Variants in P2RY8 observed in about 807,000 individuals in gnomAD.
P2RY8 encodes the protein P2Y receptor family member 8, also known as S-geranylgeranyl-glutathione receptor P2RY8.
A neutral mutation model predicts 10.0 loss-of-function variants in P2RY8; 6 were observed. That is an observed-to-expected ratio of 0.60 (90% CI 0.33 to 1.19). The LOEUF is 1.19. Ranked by LOEUF, P2RY8 falls within the 50% of genes most tolerant of loss-of-function variation. The pLI, the probability that P2RY8 is intolerant of heterozygous loss-of-function variation, is 0.04. For missense variants in P2RY8, 456 were observed against 542.0 expected (o/e 0.84, Z 1.58); for synonymous variants, 276 against 252.5 (o/e 1.09, Z -0.88).
Position 1,466,373 on chromosome X carries a change from C to G in P2RY8, c.186G>C (p.Met62Ile). 1.9e-6 allele frequency: 3 copies of G among 1,613,800 alleles called. No homozygotes were observed. The highest frequency in any genetic ancestry group is 2.5e-6 in the Non-Finnish European group (3 of 1,179,860). Residue 62 changes from methionine to isoleucine, a missense_variant, in exon 2 of 2, where the codon ATG (methionine) becomes ATC (isoleucine). Transcript: ENST00000381297. ...TCAGGTCCGTGACGCTCAGGTTGAT[C>G]ATGAAGATGACCGACGGGGATCTGG... ...MGPRSPSVIFMINLSVTDLML... is the reference protein window; with the variant it reads ...MGPRSPSVIFIINLSVTDLML...
intron 1 of P2RY8, among the ~76,000 whole-genome samples, chrX:1,478,485 A>AT (rs1180812685): frequency 2.7e-4 from 41 of 151,310 alleles, no homozygotes; most frequent in African/African-American, 8.3e-4. Flanking sequence ...TTATTTATTT[A>AT]TTTATTTTTT....
At chrX:1,525,331 C>T (rs1269705554) in intron 1 of P2RY8, among the ~76,000 whole-genome samples, 1 of 152,124 alleles carries the variant, frequency 6.6e-6, no homozygotes, top group Non-Finnish European at 1.5e-5. Flanking sequence ...TGACATCATA[C>T]TGCATTTGGG....
intron 1 of P2RY8, among the ~76,000 whole-genome samples, chrX:1,478,273 G>GTGTGTGTGTGTGCA (rs539376483): frequency 0.018 from 2,437 of 133,550 alleles, 40 homozygotes; most frequent in South Asian, 0.028. Flanking sequence ...GTGTGTGTGT[G>GTGTGTGTGTGTGCA]CCCAGCAGGG....
intron 1 of P2RY8, among the ~76,000 whole-genome samples, chrX:1,499,658 A>G (rs1233607245): frequency 6.6e-6 from 1 of 152,130 alleles, no homozygotes; most frequent in African/African-American, 2.4e-5. Flanking sequence ...AAGGAAAAAA[A>G]AGAAATAAAA....
chrX:1,524,510 C>T, intron 1 of P2RY8, among the ~76,000 whole-genome samples: 2 of 146,144 alleles, frequency 1.4e-5, no homozygotes, highest in Non-Finnish European at 1.5e-5. Flanking sequence ...CGCATCCATC[C>T]ATCCATCCAT....
chrX:1,533,556 TTATATATTTATTATTTAAATATATTATA>T (rs2092497222), intron 1 of P2RY8, among the ~76,000 whole-genome samples: 1 of 8,940 alleles, frequency 1.1e-4, no homozygotes, highest in Non-Finnish European at 4.7e-4. Context: ...TATTATATAC[TTATATATTTATTATTTAAATATATTATA>T]TACTTATATA....
rs1413191910 is a variant in P2RY8 at position 1,463,097 on chromosome X, C to G, written c.*2382G>C. 4.3e-6 allele frequency: 1 copy of G among 233,038 alleles called. No homozygotes were observed. Among genetic ancestry groups the G allele is most frequent in the Non-Finnish European group, 8.5e-6 (1 of 118,028 alleles). 14.4% of individuals were successfully genotyped at this position (233,038 alleles called of 1,614,324 possible). On this transcript the variant is annotated 3_prime_UTR_variant, in exon 2 of 2. Coordinates refer to ENST00000381297, the MANE Select transcript of P2RY8 (RefSeq NM_178129.5). The stretch of plus-strand genomic sequence containing the variant: ...CTCGGCTTCCTCTGACTCAAGCTCT[C>G]ATTTTTGTTTACAAGGCAGTTTAGG...
chrX:1,530,153 G>C (rs868450229), intron 1 of P2RY8, among the ~76,000 whole-genome samples: 443 of 39,534 alleles, frequency 0.011, 5 homozygotes, highest in African/African-American at 0.044. Flanking sequence ...ATGTATGTAT[G>C]TATGATCTAT....
chrX:1,487,983 G>A (rs756111553), intron 1 of P2RY8, among the ~76,000 whole-genome samples: 10 of 152,204 alleles, frequency 6.6e-5, no homozygotes, highest in East Asian at 5.8e-4. Flanking sequence ...GGTGGTGGGC[G>A]TCTGTAATCC....
At chrX:1,501,307 C>T (rs1357396025) in intron 1 of P2RY8, among the ~76,000 whole-genome samples, 1 of 152,182 alleles carries the variant, frequency 6.6e-6, no homozygotes, top group Non-Finnish European at 1.5e-5. Flanking sequence ...GCTTTGCAGA[C>T]TTTTGGCCTG....
intron 1 of P2RY8, among the ~76,000 whole-genome samples, chrX:1,487,445 A>G (rs749983556): frequency 2.0e-4 from 30 of 152,234 alleles, no homozygotes; most frequent in Non-Finnish European, 1.5e-4. Context: ...TGAGGGGCAG[A>G]GGGCATAAGG....
At chrX:1,536,419 G>A (rs1374352226) in intron 1 of P2RY8, among the ~76,000 whole-genome samples, 1 of 152,032 alleles carries the variant, frequency 6.6e-6, no homozygotes, top group Non-Finnish European at 1.5e-5. Flanking sequence ...CCACCACCAA[G>A]CCCAGCTAAT....
intron 1 of P2RY8, among the ~76,000 whole-genome samples, chrX:1,486,575 G>C (rs4630058): frequency 0.31 from 47,351 of 152,000 alleles, 7,450 homozygotes; most frequent in Middle Eastern, 0.46. Context: ...GGGAAACGGG[G>C]AGTGACTTTC....
intron 1 of P2RY8, among the ~76,000 whole-genome samples, chrX:1,505,987 CTT>C (rs542485545): frequency 0.21 from 22,637 of 107,208 alleles, 1,553 homozygotes; most frequent in East Asian, 0.52. Context: ...TTTCTTTCTT[CTT>C]TTTTTTTTTT....
chrX:1,519,102 TTC>T (rs1222546523), intron 1 of P2RY8, among the ~76,000 whole-genome samples: 113 of 151,108 alleles, frequency 7.5e-4, no homozygotes, highest in African/African-American at 2.7e-3. Context: ...CTCCCCAATA[TTC>T]TCTCTGATCC....
chrX:1,526,636 A>G (rs757759708), intron 1 of P2RY8, among the ~76,000 whole-genome samples: 14 of 151,064 alleles, frequency 9.3e-5, no homozygotes, highest in African/African-American at 3.4e-4. Flanking sequence ...GCATCCACTC[A>G]TTTATCCACT....
At position 1,464,922 on chromosome X, in the gene P2RY8, CG is replaced by C. The variant is rs2149367986; in HGVS notation, c.*556del. The C allele has an allele frequency of 4.3e-6, 1 of 234,852 alleles. No individual in the cohort carries two copies. Among genetic ancestry groups the C allele is most frequent in the East Asian group, 6.0e-5 (1 of 16,592 alleles). 14.5% of individuals were successfully genotyped at this position (234,852 alleles called of 1,614,324 possible). A position where few individuals can be genotyped will look rare whatever the true frequency, so the allele number is the denominator to read the frequency against. On this transcript the variant is annotated 3_prime_UTR_variant, in exon 2 of 2. Transcript: ENST00000381297. ...AATAAACAGAAATTTCGGCGTGCACCGGGCTACGGAGACCAGAACCCCTGGA... is the reference window on the plus strand; with the variant it reads ...AATAAACAGAAATTTCGGCGTGCACCGGCTACGGAGACCAGAACCCCTGGA...
At chrX:1,468,058 C>G (rs1311492628) in intron 1 of P2RY8, among the ~76,000 whole-genome samples, 1 of 152,100 alleles carries the variant, frequency 6.6e-6, no homozygotes, top group Non-Finnish European at 1.5e-5. Flanking sequence ...TCAAGCAATC[C>G]TCCTGAGTAC....
intron 1 of P2RY8, among the ~76,000 whole-genome samples, chrX:1,468,681 G>A (rs745461009): frequency 6.6e-6 from 1 of 151,208 alleles, no homozygotes; most frequent in East Asian, 2.0e-4. Flanking sequence ...CTGAAGCAAC[G>A]GACAGACCAC....
Sources: gnomAD v4.1 joint callset for allele counts (sites outside exome capture counted in the v4.1 genomes callset) on GRCh38, gnomAD v4.1.1 for gene constraint, MANE v1.5 for transcripts, NCBI Gene and HGNC (gene_info 2026-07-23, HGNC 2026-07-21) for gene names.